DPP10: variants seen among roughly 807,000 people sequenced by gnomAD.
DPP10 encodes inactive dipeptidyl peptidase 10.
Under a neutral mutation model 120.9 loss-of-function variants are expected in DPP10, and 33 were observed. The observed-to-expected ratio is 0.27, with a 90% CI of 0.21 to 0.37. The LOEUF (loss-of-function observed/expected upper bound fraction) is 0.37. DPP10 is among the 10% of genes least tolerant of loss of function. The pLI is 1.00. For missense variants in DPP10, 816 were observed against 942.8 expected (o/e 0.87, Z 1.76); for synonymous variants, 337 against 326.1 (o/e 1.03, Z -0.36).
rs1451028927 is a variant in DPP10 at position 115,787,994 on chromosome 2, A to G, written c.1532-3087A>G. On this transcript the variant is annotated intron_variant, in intron 17 of 25. Coordinates refer to ENST00000410059, the MANE Select transcript of DPP10 (RefSeq NM_020868.6). Reference sequence around the variant, plus strand: ...CTTAATAGAAAAACAAACCTAGAAGATATTTCTCACTTAAAAATGAAGACA... The same window carrying G: ...CTTAATAGAAAAACAAACCTAGAAGGTATTTCTCACTTAAAAATGAAGACA... 2.6e-5 allele frequency among the ~76,000 whole-genome samples: 4 copies of G among 152,268 alleles called. No homozygotes were observed. The East Asian group carries it at 7.7e-4, about 29-fold the overall frequency.
At chr2:115,069,209 A>G (rs1435809088) in intron 1 of DPP10, among the ~76,000 whole-genome samples, 1 of 152,018 alleles carries the variant, frequency 6.6e-6, no homozygotes, top group Non-Finnish European at 1.5e-5. Context: ...TGTCTTCTTC[A>G]ATTTCTTTCA....
intron 1 of DPP10, among the ~76,000 whole-genome samples, chr2:115,246,676 T>A (rs2058548114): frequency 6.6e-6 from 1 of 152,112 alleles, no homozygotes; most frequent in African/African-American, 2.4e-5. Context: ...GGATTCAGTG[T>A]ATGGGACACA....
At chr2:115,466,604 CAG>C (rs2074340536) in intron 3 of DPP10, among the ~76,000 whole-genome samples, 2 of 152,018 alleles carry the variant, frequency 1.3e-5, no homozygotes, top group Admixed American at 6.5e-5. Context: ...TCTAAGATGA[CAG>C]AGTAATATAC....
In DPP10 at chr2:115,836,669, T is replaced by A; in HGVS notation, c.2110-5T>A. ...AGATACAGATATTTGTATTTTCCTT[T>A]ATAGGCAGCCAGTGTGCTACATAAT... On this transcript the variant is annotated splice_region_variant and splice_polypyrimidine_tract_variant and intron_variant, in intron 23 of 25. Transcript: ENST00000410059. The A allele has an allele frequency of 6.2e-7, 1 of 1,612,164 alleles. No individual in the cohort carries two copies. Among genetic ancestry groups the A allele is most frequent in the Non-Finnish European group, 8.5e-7 (1 of 1,179,336 alleles).
intron 3 of DPP10, among the ~76,000 whole-genome samples, chr2:115,383,714 T>C (rs1404615375): frequency 1.3e-5 from 2 of 152,174 alleles, no homozygotes; most frequent in African/African-American, 4.8e-5. Context: ...ATAATGTGTT[T>C]CTTATGCATT....
At chr2:115,384,017 G>T (rs1056395963) in intron 3 of DPP10, among the ~76,000 whole-genome samples, 3 of 152,194 alleles carry the variant, frequency 2.0e-5, no homozygotes, top group African/African-American at 7.2e-5. Context: ...GCATGCTTAT[G>T]TAAGTGTTGG....
chr2:115,782,329 A>T, intron 16 of DPP10, 23 bp from the exon 17 acceptor site: 1 of 1,593,002 alleles, frequency 6.3e-7, no homozygotes, highest in Non-Finnish European at 8.6e-7. Context: ...AAAAATATTT[A>T]TACACATATT....
Position 115,844,768 on chromosome 2 carries a change from T to C in DPP10, c.*2423T>C, listed in dbSNP as rs1690482502. 1 of 152,210 alleles carries C rather than the reference T, an allele frequency of 6.6e-6. No homozygotes were observed. The highest frequency in any genetic ancestry group is 2.4e-5 in the African/African-American group (1 of 41,468). The allele number at this position is 152,210 out of a possible 1,614,324, so 9.4% of individuals were successfully genotyped here. ...AATGTTAAAGAAAAAAATCAATATA[T>C]TGAATTCTTTAATTAAATAGGTAAG... is the stretch of plus-strand genomic sequence containing the variant. On this transcript the variant is annotated 3_prime_UTR_variant, in exon 26 of 26. Coordinates refer to ENST00000410059, the MANE Select transcript of DPP10 (RefSeq NM_020868.6).
At chr2:115,040,167 A>G (rs146043074) in intron 1 of DPP10, among the ~76,000 whole-genome samples, 1 of 152,230 alleles carries the variant, frequency 6.6e-6, no homozygotes, top group African/African-American at 2.4e-5. Context: ...ATACAGACAT[A>G]GATGATGTCT....
At chr2:115,648,453 G>A (rs1413525964) in intron 5 of DPP10, among the ~76,000 whole-genome samples, 1 of 151,782 alleles carries the variant, frequency 6.6e-6, no homozygotes, top group Non-Finnish European at 1.5e-5. Flanking sequence ...GTGATATAAT[G>A]CATATATTAA....
intron 21 of DPP10, among the ~76,000 whole-genome samples, chr2:115,822,561 A>G (rs1687915458): frequency 6.6e-6 from 1 of 152,022 alleles, no homozygotes; most frequent in Non-Finnish European, 1.5e-5. Context: ...CTGACATCTA[A>G]GCAATATTGA....
At position 115,743,777 on chromosome 2, in the gene DPP10, A is replaced by G. The variant is rs554068999; in HGVS notation, c.853-2309A>G. Among the ~76,000 whole-genome samples the G allele has an allele frequency of 6.6e-5, 10 of 150,824 alleles. 1 individual carries two copies. The South Asian group carries it at 1.9e-3, about 28-fold the overall frequency. On this transcript the variant is annotated intron_variant, in intron 9 of 25. Coordinates refer to ENST00000410059, the MANE Select transcript of DPP10 (RefSeq NM_020868.6). ...AAGACAAATAAAATGATACTTGAGA[A>G]TCTTTAGCATGTGCTCATAACCATG...
intron 1 of DPP10, among the ~76,000 whole-genome samples, chr2:114,769,438 G>C (rs764341199): frequency 1.3e-5 from 2 of 152,106 alleles, no homozygotes; most frequent in Admixed American, 1.3e-4. Flanking sequence ...CTCCATCCTC[G>C]ATACAGGGAA....
intron 1 of DPP10, among the ~76,000 whole-genome samples, chr2:114,817,293 G>A (rs1259159698): frequency 9.3e-6 from 1 of 107,944 alleles, no homozygotes; most frequent in Non-Finnish European, 1.9e-5. Flanking sequence ...ATATCAGCCA[G>A]TGTCCTGGCC....
At chr2:114,662,157 G>A (rs929125628) in intron 1 of DPP10, among the ~76,000 whole-genome samples, 1 of 152,210 alleles carries the variant, frequency 6.6e-6, no homozygotes, top group Admixed American at 6.5e-5. Flanking sequence ...AGGTCCGGGG[G>A]AAGAGCGAAC....
intron 1 of DPP10, among the ~76,000 whole-genome samples, chr2:114,554,158 T>C (rs1276210690): frequency 6.6e-6 from 1 of 152,194 alleles, no homozygotes; most frequent in Non-Finnish European, 1.5e-5. Context: ...ATTTCTTTTC[T>C]CTCCATCCCA....
At chr2:115,039,877 C>T (rs925917727) in intron 1 of DPP10, among the ~76,000 whole-genome samples, 3 of 151,986 alleles carry the variant, frequency 2.0e-5, no homozygotes, top group Non-Finnish European at 4.4e-5. Context: ...ACACCACACC[C>T]AGCAGCCTCA....
At chr2:115,343,968 T>A (rs2063580121) in intron 3 of DPP10, 56 bp downstream of exon 3, 2 of 1,434,034 alleles carry the variant, frequency 1.4e-6, no homozygotes, top group Non-Finnish European at 1.9e-6. Context: ...ATAATTAAAA[T>A]TTTAAAAAAT....
At chr2:114,963,200 T>C (rs1698774564) in intron 1 of DPP10, among the ~76,000 whole-genome samples, 1 of 152,234 alleles carries the variant, frequency 6.6e-6, no homozygotes, top group Admixed American at 6.5e-5. Flanking sequence ...GTATGGGCCA[T>C]ATTGCTGTAT....
Sources: allele counts gnomAD v4.1 joint callset (sites outside exome capture counted in the v4.1 genomes callset), GRCh38; gene constraint gnomAD v4.1.1; transcripts MANE v1.5; gene names NCBI Gene and HGNC (gene_info 2026-07-23, HGNC 2026-07-21).